Variants in CUL5 observed in about 807,000 individuals in gnomAD.
The protein encoded by CUL5 is cullin-5.
In CUL5, 26 loss-of-function variants were observed where a neutral mutation model predicts 108.8. The observed-to-expected ratio is 0.24, with a 90% CI of 0.18 to 0.33. The LOEUF (loss-of-function observed/expected upper bound fraction) is 0.33, where lower values mean the gene tolerates loss of function less well. Among genes scored for constraint, CUL5 ranks in the 10% least tolerant of loss-of-function variants. The probability of loss-of-function intolerance (pLI) is 1.00; values close to 1 mark genes in which losing one functional copy is unlikely to be tolerated. For synonymous variants in CUL5, 334 were observed against 298.0 expected (o/e 1.12, Z -1.25); for missense variants, 524 against 909.2 (o/e 0.58, Z 5.45).
intron 11 of CUL5, among the ~76,000 whole-genome samples, chr11:108,079,731 A>T (rs372585771): frequency 6.6e-6 from 1 of 152,152 alleles, no homozygotes; most frequent in Non-Finnish European, 1.5e-5. Context: ...CTTCATGTCT[A>T]TTCCCAGTCG....
Position 108,095,451 on chromosome 11 carries a change from A to G in CUL5, c.1744-79A>G, listed in dbSNP as rs751742251. 307 of 1,011,672 alleles carry G rather than the reference A, an allele frequency of 3.0e-4. 4 individuals carry two copies. The highest frequency in any genetic ancestry group is 2.0e-4 in the Admixed American group (7 of 35,648). 62.7% of individuals were successfully genotyped at this position (1,011,672 alleles called of 1,614,324 possible). A position where few individuals can be genotyped will look rare whatever the true frequency, so the allele number is the denominator to read the frequency against. ...ATACTGGAAGACAGCAACCTTTTTC[A>G]TATATAAATTCATGTCATAGATATT... On this transcript the variant is annotated intron_variant, in intron 15 of 18. Transcript: ENST00000393094.
At chr11:108,028,141 G>C (rs1446319087) in intron 1 of CUL5, among the ~76,000 whole-genome samples, 14 of 152,082 alleles carry the variant, frequency 9.2e-5, no homozygotes, top group Non-Finnish European at 4.4e-5. Context: ...TTAAATTCTA[G>C]ATTTCCATAT....
chr11:108,046,223 GTTC>G (rs760477260), intron 2 of CUL5, 44 bp from the exon 3 acceptor site: 7 of 1,316,532 alleles, frequency 5.3e-6, no homozygotes, highest in Non-Finnish European at 7.6e-6. Flanking sequence ...GTTTTGTTCA[GTTC>G]TTGTTTCATT....
chr11:108,105,898 T>C lies in CUL5; in HGVS notation c.*1514T>C, dbSNP rs991171077. The C allele has an allele frequency of 2.6e-5, 4 of 152,192 alleles. No homozygotes were observed. The highest frequency in any genetic ancestry group is 9.6e-5 in the African/African-American group (4 of 41,460). 9.4% of individuals were successfully genotyped at this position (152,192 alleles called of 1,614,324 possible). On this transcript the variant is annotated 3_prime_UTR_variant, in exon 19 of 19. Transcript: ENST00000393094. Reference sequence around the variant, plus strand: ...GTGGAGTGCTTTCAAGAGCATTTCGTAGGATCTGTCCCCATCCGAAGAGGC... The same window carrying C: ...GTGGAGTGCTTTCAAGAGCATTTCGCAGGATCTGTCCCCATCCGAAGAGGC...
At chr11:108,028,001 A>G (rs1157010301) in intron 1 of CUL5, among the ~76,000 whole-genome samples, 3 of 152,052 alleles carry the variant, frequency 2.0e-5, no homozygotes, top group Admixed American at 6.5e-5. Context: ...TTAATGTTGG[A>G]TATCTAAAAC....
chr11:108,031,014 A>AT (rs781453388), intron 1 of CUL5, among the ~76,000 whole-genome samples: 1 of 152,142 alleles, frequency 6.6e-6, no homozygotes, highest in Non-Finnish European at 1.5e-5. Context: ...ATTCCATACA[A>AT]TCACTGTATG....
chr11:108,023,215 C>T (rs1326855140), intron 1 of CUL5, among the ~76,000 whole-genome samples: 1 of 152,250 alleles, frequency 6.6e-6, no homozygotes, highest in South Asian at 2.1e-4. Flanking sequence ...TGCCATTGCA[C>T]TCCAGCCTGG....
At chr11:108,054,514 C>T in intron 5 of CUL5, 133 bp from the exon 6 acceptor site, 1 of 598,712 alleles carries the variant, frequency 1.7e-6, no homozygotes, top group Non-Finnish European at 2.8e-6. Context: ...AGGATTTTGT[C>T]TTATATAATT....
At chr11:108,027,012 TA>T (rs1862468029) in intron 1 of CUL5, among the ~76,000 whole-genome samples, 1 of 151,246 alleles carries the variant, frequency 6.6e-6, no homozygotes, top group Non-Finnish European at 1.5e-5. Flanking sequence ...AAAAAATTAT[TA>T]TTTTTTCACT....
intron 11 of CUL5, among the ~76,000 whole-genome samples, chr11:108,082,751 C>T (rs2135210793): frequency 6.6e-6 from 1 of 152,200 alleles, no homozygotes. Flanking sequence ...CTCAAGCCTC[C>T]ACCTTCTGAG....
At chr11:108,034,659 G>T (rs979990028) in intron 2 of CUL5, among the ~76,000 whole-genome samples, 3 of 152,096 alleles carry the variant, frequency 2.0e-5, no homozygotes, top group Admixed American at 6.5e-5. Flanking sequence ...AAGCTTTCAG[G>T]ACTAGTTGTG....
At chr11:108,020,486 T>C (rs1862301340) in intron 1 of CUL5, among the ~76,000 whole-genome samples, 1 of 151,942 alleles carries the variant, frequency 6.6e-6, no homozygotes, top group Admixed American at 6.6e-5. Context: ...GTTTATAGAA[T>C]AAGGATATAA....
intron 5 of CUL5, among the ~76,000 whole-genome samples, chr11:108,053,546 G>T (rs1035000486): frequency 6.6e-6 from 1 of 152,064 alleles, no homozygotes; most frequent in African/African-American, 2.4e-5. Context: ...AACTTCACAT[G>T]CAGAGTTTTG....
intron 3 of CUL5, among the ~76,000 whole-genome samples, chr11:108,048,648 C>CTTTTTTTTTTTTTTTTTTTTT (rs200991204): frequency 6.2e-4 from 73 of 116,848 alleles, no homozygotes; most frequent in Middle Eastern, 4.1e-3. Context: ...ACTCCACCAC[C>CTTTTTTTTTTTTTTTTTTTTT]TTTTTTTTTT....
intron 3 of CUL5, among the ~76,000 whole-genome samples, chr11:108,047,166 A>G (rs1863087973): frequency 6.6e-6 from 1 of 152,070 alleles, no homozygotes; most frequent in South Asian, 2.1e-4. Context: ...CAAAATAAAA[A>G]ATTACCCAAG....
intron 1 of CUL5, among the ~76,000 whole-genome samples, chr11:108,010,727 G>A (rs562295223): frequency 6.6e-6 from 1 of 152,072 alleles, no homozygotes; most frequent in African/African-American, 2.4e-5. Context: ...AAACTAATTC[G>A]GGGAATTGAG....
chr11:108,040,611 C>CAAAAAAAAAA (rs71047667), intron 2 of CUL5, among the ~76,000 whole-genome samples: 2 of 112,712 alleles, frequency 1.8e-5, no homozygotes, highest in African/African-American at 3.7e-5. Context: ...GACTCCGTCT[C>CAAAAAAAAAA]AAAAAAAAAA....
rs1864829379 is a variant in CUL5, at chr11:108,107,453, A to T, written c.*3069A>T. The T allele has an allele frequency of 6.6e-6, 1 of 152,614 alleles. No homozygotes were observed. The highest frequency in any genetic ancestry group is 2.4e-5 in the African/African-American group (1 of 41,458). 9.5% of individuals were successfully genotyped at this position (152,614 alleles called of 1,614,324 possible). On this transcript the variant is annotated 3_prime_UTR_variant, in exon 19 of 19. Transcript: ENST00000393094. Reference sequence around the variant, plus strand: ...ATGTAAGTGACTGGGATGCTGTCTTATGAATTCTTCCAAGGTCATGTTTGT... The same window carrying T: ...ATGTAAGTGACTGGGATGCTGTCTTTTGAATTCTTCCAAGGTCATGTTTGT...
intron 11 of CUL5, among the ~76,000 whole-genome samples, chr11:108,080,850 T>C (rs1864061086): frequency 6.6e-6 from 1 of 152,202 alleles, no homozygotes; most frequent in Non-Finnish European, 1.5e-5. Flanking sequence ...TATCCTTTGA[T>C]GCACAAAAGC....
Sources: gnomAD v4.1 joint callset for allele counts (sites outside exome capture counted in the v4.1 genomes callset) on GRCh38, gnomAD v4.1.1 for gene constraint, MANE v1.5 for transcripts, NCBI Gene and HGNC (gene_info 2026-07-23, HGNC 2026-07-21) for gene names.